The following DOCK4 variants were observed in gnomAD, a reference collection of about 807,000 sequenced individuals.
DOCK4 encodes dedicator of cytokinesis 4.
In DOCK4, 97 loss-of-function variants were observed where a neutral mutation model predicts 268.1. The ratio of observed to expected loss-of-function variants is 0.36; its 90% confidence interval spans 0.31 to 0.43. The LOEUF (loss-of-function observed/expected upper bound fraction) is 0.43. DOCK4 is among the 20% of genes least tolerant of loss of function. The pLI is 1.00. For synonymous variants in DOCK4, 954 were observed against 887.2 expected (o/e 1.08, Z -1.34); for missense variants, 2,145 against 2,455.7 (o/e 0.87, Z 2.67).
At chr7:112,109,023 C>G (rs1318303151) in intron 1 of DOCK4, among the ~76,000 whole-genome samples, 3 of 152,040 alleles carry the variant, frequency 2.0e-5, no homozygotes, top group Non-Finnish European at 4.4e-5. Context: ...CCTATCCTAA[C>G]CCCATTTCAA....
chr7:111,999,503 T>C (rs1800249038), intron 3 of DOCK4, among the ~76,000 whole-genome samples: 1 of 152,068 alleles, frequency 6.6e-6, no homozygotes, highest in South Asian at 2.1e-4. Context: ...TTCTCAAATA[T>C]GGTCTAAATG....
At chr7:111,855,842 A>T (rs367895867) in intron 23 of DOCK4, among the ~76,000 whole-genome samples, 1 of 152,194 alleles carries the variant, frequency 6.6e-6, no homozygotes, top group Non-Finnish European at 1.5e-5. Flanking sequence ...TTTCCATCCT[A>T]ATATATTTCT....
At chr7:112,066,362 G>A (rs1343164703) in intron 1 of DOCK4, among the ~76,000 whole-genome samples, 2 of 151,768 alleles carry the variant, frequency 1.3e-5, no homozygotes, top group Non-Finnish European at 2.9e-5. Flanking sequence ...CTTTAGACTT[G>A]GACTAAGCCA....
At chr7:111,997,147 G>C (rs1800032248) in intron 4 of DOCK4, among the ~76,000 whole-genome samples, 1 of 152,208 alleles carries the variant, frequency 6.6e-6, no homozygotes, top group African/African-American at 2.4e-5. Flanking sequence ...AGTGTATTCT[G>C]AAGTATCCTC....
intron 16 of DOCK4, among the ~76,000 whole-genome samples, chr7:111,890,193 C>T (rs755983666): frequency 6.6e-6 from 1 of 152,184 alleles, no homozygotes; most frequent in African/African-American, 2.4e-5. Context: ...TTTGCTTCTA[C>T]TCATTCTTTT....
chr7:112,033,236 G>A (rs1008809580), intron 1 of DOCK4, among the ~76,000 whole-genome samples: 3 of 151,964 alleles, frequency 2.0e-5, no homozygotes, highest in Non-Finnish European at 4.4e-5. Context: ...AAAAAAATGG[G>A]CTAACAAAAA....
chr7:111,953,804 C>T (rs1359915990), intron 8 of DOCK4: 2 of 152,204 alleles, frequency 1.3e-5, no homozygotes, highest in Admixed American at 1.3e-4. Flanking sequence ...AGGTTAACCA[C>T]AGATGACAAT....
chr7:111,881,809 G>C (rs1306703458), intron 16 of DOCK4, among the ~76,000 whole-genome samples: 1 of 152,322 alleles, frequency 6.6e-6, no homozygotes, highest in East Asian at 1.9e-4. Flanking sequence ...ATTATGTTAA[G>C]TGAAATAAGC....
At chr7:112,186,091 T>C (rs770837673) in intron 1 of DOCK4, among the ~76,000 whole-genome samples, 7 of 152,316 alleles carry the variant, frequency 4.6e-5, no homozygotes, top group Non-Finnish European at 8.8e-5. Context: ...GGGATCTCCA[T>C]TGGAAGCAGA....
At chr7:112,014,010 G>A (rs1398601415) in intron 1 of DOCK4, among the ~76,000 whole-genome samples, 1 of 152,122 alleles carries the variant, frequency 6.6e-6, no homozygotes, top group Non-Finnish European at 1.5e-5. Flanking sequence ...AATATATAAT[G>A]GGATGAAATC....
chr7:111,751,441 AT>A (rs879688074), intron 42 of DOCK4, among the ~76,000 whole-genome samples: 75 of 147,618 alleles, frequency 5.1e-4, no homozygotes, highest in Middle Eastern at 3.6e-3. Flanking sequence ...GAGTAAAAAT[AT>A]TTTTTTTTTT....
Position 111,896,544 on chromosome 7 carries a change from T to C in DOCK4, c.1481-826A>G, listed in dbSNP as rs139885862. On this transcript the variant is annotated intron_variant, in intron 15 of 52. Coordinates refer to ENST00000428084, the MANE Select transcript of DOCK4 (RefSeq NM_001363540.2). ...GAGAAAGCATTAACAGAACCTTCTTTGGTTAACTTGACTCTCCCCTTGTAC... is the reference window on the plus strand; with the variant it reads ...GAGAAAGCATTAACAGAACCTTCTTCGGTTAACTTGACTCTCCCCTTGTAC... 3.3e-3 allele frequency among the ~76,000 whole-genome samples: 501 copies of C among 151,908 alleles called. 2 individuals carry two copies. The highest frequency in any genetic ancestry group is 0.011 in the African/African-American group (472 of 41,362).
chr7:111,917,428 T>C (rs752425816), intron 12 of DOCK4, among the ~76,000 whole-genome samples: 2 of 151,988 alleles, frequency 1.3e-5, no homozygotes, highest in Non-Finnish European at 2.9e-5. Flanking sequence ...AAGATGAATT[T>C]GCTGGCCGGG....
chr7:111,822,508 A>G (rs1802070652), intron 26 of DOCK4, 52 bp from the exon 27 acceptor site: 1 of 1,428,858 alleles, frequency 7.0e-7, no homozygotes, highest in African/African-American at 1.4e-5. Flanking sequence ...AACTGTCAAC[A>G]TACATACGCA....
chr7:111,815,781 CTT>C (rs926466088), intron 27 of DOCK4, among the ~76,000 whole-genome samples: 10 of 151,912 alleles, frequency 6.6e-5, no homozygotes, highest in African/African-American at 2.4e-4. Context: ...AAGCAATTCT[CTT>C]GTCTCAGCCT....
intron 12 of DOCK4, among the ~76,000 whole-genome samples, chr7:111,925,045 T>C (rs1291249340): frequency 6.6e-6 from 1 of 152,182 alleles, no homozygotes; most frequent in Admixed American, 6.5e-5. Context: ...AGTAGATTTT[T>C]TCAAAAATCA....
Position 111,850,837 on chromosome 7 carries a change from TC to T in DOCK4, c.2474-3712del, listed in dbSNP as rs568374225. ...CCATCTCCCTTTGCTGACTCCTTTTTCGGACTCAGTCCACCTACACCGAAGT... is the reference window on the plus strand; with the variant it reads ...CCATCTCCCTTTGCTGACTCCTTTTTGGACTCAGTCCACCTACACCGAAGT... On this transcript the variant is annotated intron_variant, in intron 23 of 52. Transcript: ENST00000428084. 3.2e-3 allele frequency among the ~76,000 whole-genome samples: 491 copies of T among 152,260 alleles called. 2 individuals are homozygous for T. Among genetic ancestry groups the T allele is most frequent in the African/African-American group, 0.011 (470 of 41,548 alleles).
chr7:111,875,283 T>G (rs1806760131), intron 17 of DOCK4, among the ~76,000 whole-genome samples: 1 of 152,268 alleles, frequency 6.6e-6, no homozygotes, highest in African/African-American at 2.4e-5. Context: ...CATATTTACC[T>G]GAAAATGTTC....
rs1481955716 is a variant in DOCK4, at chr7:111,735,102, T to A, written c.5371A>T (p.Ser1791Cys). ...SGKEAKNMSD[S>C]GKLISPPVPP... ...ACAGGGGGAGAGATAAGTTTCCCAC[T>A]ATCCGACATGTTCTTGGCTTCCTTC... is the stretch of plus-strand genomic sequence containing the variant. Residue 1791 changes from serine to cysteine, a missense_variant, in exon 51 of 53, where the codon AGT (serine) becomes TGT (cysteine). Physicochemically the swap from Ser to Cys is moderately radical, Grantham distance 112. Coordinates refer to ENST00000428084, the MANE Select transcript of DOCK4 (RefSeq NM_001363540.2). 1 of 1,602,574 alleles carries A rather than the reference T, an allele frequency of 6.2e-7. No homozygotes were observed. Among genetic ancestry groups the A allele is most frequent in the Non-Finnish European group, 8.5e-7 (1 of 1,174,540 alleles).
Sources: gnomAD v4.1 joint callset for allele counts (sites outside exome capture counted in the v4.1 genomes callset) on GRCh38, gnomAD v4.1.1 for gene constraint, MANE v1.5 for transcripts, NCBI Gene and HGNC (gene_info 2026-07-23, HGNC 2026-07-21) for gene names.